Variants in PAPLN observed in about 807,000 individuals in gnomAD.
PAPLN encodes the protein papilin, proteoglycan like sulfated glycoprotein.
A neutral mutation model predicts 159.0 loss-of-function variants in PAPLN; 146 were observed. That is an observed-to-expected ratio of 0.92 (90% CI 0.80 to 1.05). PAPLN has a LOEUF of 1.05. PAPLN is among the 50% of genes least tolerant of loss of function. The probability of loss-of-function intolerance (pLI) is 0.00; values close to 1 mark genes in which losing one functional copy is unlikely to be tolerated. For missense variants in PAPLN, 1,720 were observed against 1,743.9 expected, an observed-to-expected ratio of 0.99 and a Z score of 0.24; for synonymous variants, 734 against 702.9, an observed-to-expected ratio of 1.04 and a Z score of -0.70.
intron 14 of PAPLN, 52 bp downstream of exon 14, chr14:73,255,070 G>T (rs373758089): frequency 1.7e-5 from 26 of 1,566,080 alleles, no homozygotes; most frequent in Non-Finnish European, 2.3e-5. Flanking sequence ...TCTCCCACTC[G>T]CTACAAACCC....
At chr14:73,252,302 C>T (rs1297331163) in intron 10 of PAPLN, among the ~76,000 whole-genome samples, 161 bp downstream of exon 10, 1 of 152,146 alleles carries the variant, frequency 6.6e-6, no homozygotes, top group Non-Finnish European at 1.5e-5. Flanking sequence ...TTGAGGAAAA[C>T]CCAGGGATCT....
intron 18 of PAPLN, 66 bp from the exon 19 acceptor site, chr14:73,262,284 G>A: frequency 6.9e-7 from 1 of 1,457,516 alleles, no homozygotes; most frequent in Non-Finnish European, 9.4e-7. Context: ...CGGAGGCTGA[G>A]AGGATGGAGG....
At chr14:73,257,761 T>C (rs958298102) in intron 14 of PAPLN, among the ~76,000 whole-genome samples, 1 of 58,406 alleles carries the variant, frequency 1.7e-5, no homozygotes, top group African/African-American at 1.2e-4. Flanking sequence ...TTCTTTTTTT[T>C]TTTTTTTTTT....
At chr14:73,241,544 G>A (rs750562707) in intron 2 of PAPLN, among the ~76,000 whole-genome samples, 7 of 152,170 alleles carry the variant, frequency 4.6e-5, no homozygotes, top group Non-Finnish European at 8.8e-5. Flanking sequence ...CTCCCTTAAG[G>A]CCACGCTGAG....
chr14:73,243,414 A>G (rs998211872), intron 2 of PAPLN: 1 of 152,256 alleles, frequency 6.6e-6, no homozygotes, highest in Non-Finnish European at 1.5e-5. Flanking sequence ...CATGTACACC[A>G]TATGCCTCCT....
intron 21 of PAPLN, 62 bp from the exon 22 acceptor site, chr14:73,264,526 G>A (rs911480313): frequency 1.8e-5 from 28 of 1,550,694 alleles, no homozygotes; most frequent in Non-Finnish European, 2.2e-5. Context: ...CTCATGGCCC[G>A]CCCTTCCTTC....
chr14:73,266,872 C>T (rs753218964), intron 25 of PAPLN, 41 bp downstream of exon 25: 1 of 1,547,914 alleles, frequency 6.5e-7, no homozygotes, highest in Non-Finnish European at 8.8e-7. Flanking sequence ...CCCAGACCTT[C>T]ACAACCTCAG....
Position 73,239,803 on chromosome 14 carries a change from C to A in PAPLN, c.25C>A (p.Leu9Met), listed in dbSNP as rs1883336039. The A allele has an allele frequency of 6.3e-7, 1 of 1,594,844 alleles. No homozygotes were observed. The highest frequency in any genetic ancestry group is 1.3e-5 in the African/African-American group (1 of 74,822). MRLLLLVPLLLAPAPGSSA... is the reference protein window; with the variant it reads MRLLLLVPMLLAPAPGSSA... ...GATGCGGCTGCTCCTGCTCGTGCCG[C>A]TGCTGCTGGCTCCAGCGCCCGGGTC... The change falls in exon 2 of 27, where the codon CTG becomes ATG. Residue 9 changes from leucine (L) to methionine (M), a missense_variant. Transcript: ENST00000644200.
Position 73,250,067 on chromosome 14 carries a change from C to A in PAPLN, c.418C>A (p.Pro140Thr), listed in dbSNP as rs1885061987. 1.2e-6 allele frequency: 2 copies of A among 1,612,678 alleles called. No individual in the cohort carries two copies. The stretch of plus-strand genomic sequence containing the variant: ...CAGGGAGGCTGTGGTTGATGGGACG[C>A]CCTGCGAGCCTGGCAAGAGGGATGT... The part of the protein sequence containing the change: ...KHREAVVDGT[P>T]CEPGKRDVCV... The change falls in exon 6 of 27, where the codon CCC (proline) becomes ACC (threonine). Residue 140 changes from proline (P) to threonine (T), a missense_variant. By Grantham distance (38) the Pro-to-Thr change is conservative (BLOSUM62 -1). Coordinates refer to ENST00000644200, the MANE Select transcript of PAPLN (RefSeq NM_001365906.3).
At chr14:73,255,086 G>A (rs1365711098) in intron 14 of PAPLN, 68 bp downstream of exon 14, 1 of 1,542,216 alleles carries the variant, frequency 6.5e-7, no homozygotes, top group Non-Finnish European at 8.8e-7. Flanking sequence ...AACCCAGCAA[G>A]CATGTCCTGC....
In PAPLN at chr14:73,245,482, C is replaced by G; in HGVS notation, c.171-154C>G. On this transcript the variant is annotated intron_variant, in intron 3 of 26. Coordinates refer to ENST00000644200, the MANE Select transcript of PAPLN (RefSeq NM_001365906.3). This position sits in a 1 kb window ranked among gnomAD's most constrained non-coding sequence, Gnocchi z 4.2. ...TACCAACATGGGTCGCTCACTCCCA[C>G]CTGGGGGATTTACGGGGTGGGGTCG... 1.3e-6 allele frequency: 1 copy of G among 781,006 alleles called. No homozygotes were observed. The allele number at this position is 781,006 out of a possible 1,614,324, so 48.4% of individuals were successfully genotyped here. A position where few individuals can be genotyped will look rare whatever the true frequency, so the allele number is the denominator to read the frequency against.
Position 73,252,677 on chromosome 14 carries a change from C to G in PAPLN, c.996C>G (p.Thr332=), listed in dbSNP as rs754744149. Residue 332 remains threonine (T), a synonymous_variant, in exon 11 of 27, where the codon ACC becomes ACG. Coordinates refer to ENST00000644200, the MANE Select transcript of PAPLN (RefSeq NM_001365906.3). The stretch of plus-strand genomic sequence containing the variant: ...ACCAGTCCCGCCTGGTGTTCTGCAC[C>G]ATCGACCATGAGGCCTACCCCGACC... ...GGHQSRLVFC[T]IDHEAYPDHM... The G allele has an allele frequency of 6.8e-6, 11 of 1,613,332 alleles. No homozygotes were observed. In the South Asian group the frequency reaches 1.2e-4, roughly 18 times the overall value.
chr14:73,262,520 G>C lies in PAPLN; in HGVS notation c.2416G>C (p.Gly806Arg). The change falls in exon 19 of 27, where the codon GGA (glycine) becomes CGA (arginine). Residue 806 changes from glycine to arginine, a missense_variant. Physicochemically the swap from Gly to Arg is moderately radical, Grantham distance 125 (BLOSUM62 -2). Coordinates refer to ENST00000644200, the MANE Select transcript of PAPLN (RefSeq NM_001365906.3). ...GCAAGAGTGCATGAGCAGCTGCCAG[G>C]GATCTCTCCATGGGCCCCGTCGTCC... ...SEQECMSSCQ[G>R]SLHGPRRPQP... 1.3e-6 allele frequency: 2 copies of C among 1,579,656 alleles called. No homozygotes were observed. The highest frequency in any genetic ancestry group is 1.7e-6 in the Non-Finnish European group (2 of 1,162,170).
intron 11 of PAPLN, chr14:73,253,352 T>C (rs1885520571): frequency 1.1e-6 from 1 of 871,284 alleles, no homozygotes; most frequent in Non-Finnish European, 1.6e-6. Context: ...GGCTGCTCTT[T>C]CCTCTGGGTC....
chr14:73,266,956 C>A, intron 25 of PAPLN, 125 bp downstream of exon 25: 2 of 912,144 alleles, frequency 2.2e-6, no homozygotes, highest in South Asian at 1.6e-5. Context: ...GGCCTGGTGC[C>A]AGGGGAGAGG....
rs1887170165 is a variant in PAPLN, at chr14:73,265,966, A to T, written c.3263+459A>T. On this transcript the variant is annotated intron_variant, in intron 23 of 26. Transcript: ENST00000644200. The surrounding 1 kb of genome is among the most constrained non-coding windows in gnomAD (Gnocchi z 4.1). ...AACCAGTATTTGAGCCCATTAAATGAGTATAGCAAAAACTAGAAACCCAAA... is the reference window on the plus strand; with the variant it reads ...AACCAGTATTTGAGCCCATTAAATGTGTATAGCAAAAACTAGAAACCCAAA... 6.6e-6 allele frequency among the ~76,000 whole-genome samples: 1 copy of T among 152,258 alleles called. No homozygotes were observed. Among genetic ancestry groups the T allele is most frequent in the Non-Finnish European group, 1.5e-5 (1 of 68,046 alleles).
At chr14:73,254,765 G>A (rs530730698) in intron 13 of PAPLN, 70 bp downstream of exon 13, 126 of 1,591,456 alleles carry the variant, frequency 7.9e-5, no homozygotes, top group Middle Eastern at 3.8e-4. Flanking sequence ...CCCGAGCGCC[G>A]TCCTTGGACC....
At chr14:73,256,426 G>A (rs2140258207) in intron 14 of PAPLN, among the ~76,000 whole-genome samples, 1 of 151,710 alleles carries the variant, frequency 6.6e-6, no homozygotes, top group Admixed American at 6.6e-5. Flanking sequence ...CAGTTACTTG[G>A]GAGGCTGAGG....
rs562685728 is a variant in PAPLN, at chr14:73,245,849, C to T, written c.231+153C>T. On this transcript the variant is annotated intron_variant, in intron 4 of 26. Transcript: ENST00000644200. This position sits in a 1 kb window ranked among gnomAD's most constrained non-coding sequence, Gnocchi z 4.2. ...CCACAGCAGGGCTGCGTGGGGGCCC[C>T]TTCCTCACCCTGCTCCCGGGGACTG... 7.8e-6 allele frequency: 8 copies of T among 1,026,796 alleles called. No individual in the cohort carries two copies. In the South Asian group the frequency reaches 1.3e-4, roughly 16 times the overall value. The allele number at this position is 1,026,796 out of a possible 1,614,324, so 63.6% of individuals were successfully genotyped here.
Sources: gnomAD v4.1 joint callset for allele counts (sites outside exome capture counted in the v4.1 genomes callset) on GRCh38, gnomAD v4.1.1 for gene constraint, Gnocchi (gnomAD v3.1) non-coding constraint, MANE v1.5 for transcripts, NCBI Gene and HGNC (gene_info 2026-07-23, HGNC 2026-07-21) for gene names.